VWF: variants seen among roughly 807,000 people sequenced by gnomAD.
VWF encodes the protein von Willebrand factor.
In VWF, 176 loss-of-function variants were observed where a neutral mutation model predicts 308.6. The ratio of observed to expected loss-of-function variants is 0.57; its 90% CI spans 0.50 to 0.65. VWF has a LOEUF of 0.65. Among genes scored for constraint, VWF ranks in the 30% least tolerant of loss-of-function variants. VWF has a pLI of 0.00. For synonymous variants in VWF, 1,385 were observed against 1,443.4 expected (o/e 0.96, Z 0.92); for missense variants, 3,146 against 3,648.2 (o/e 0.86, Z 3.55).
At chr12:6,038,113 G>C (rs1043215775) in intron 18 of VWF, among the ~76,000 whole-genome samples, 1 of 152,138 alleles carries the variant, frequency 6.6e-6, no homozygotes, top group Non-Finnish European at 1.5e-5. Flanking sequence ...TAAGCACCCA[G>C]TAGGGAAGAT....
intron 3 of VWF, among the ~76,000 whole-genome samples, chr12:6,113,442 T>C (rs573546622): frequency 2.6e-5 from 4 of 151,778 alleles, no homozygotes; most frequent in South Asian, 4.2e-4. Flanking sequence ...GGACTACAGG[T>C]GCCCGCCACC....
intron 6 of VWF, among the ~76,000 whole-genome samples, chr12:6,092,618 A>AGTGT (rs752209524): frequency 0.018 from 1,216 of 66,054 alleles, 27 homozygotes; most frequent in Middle Eastern, 0.054. Context: ...AGTGAGTGAG[A>AGTGT]GTGTGTGTGT....
intron 3 of VWF, among the ~76,000 whole-genome samples, chr12:6,119,288 G>GC (rs1945404565): frequency 1.3e-5 from 2 of 152,034 alleles, no homozygotes. Flanking sequence ...AAATTTTCAG[G>GC]CCCCCTTCCA....
At chr12:6,113,760 T>A (rs1462522130) in intron 3 of VWF, among the ~76,000 whole-genome samples, 3 of 152,298 alleles carry the variant, frequency 2.0e-5, no homozygotes, top group South Asian at 2.1e-4. Flanking sequence ...AACCTCCAGT[T>A]TGCACCCTCT....
chr12:5,972,184 G>A (rs1049885363), intron 43 of VWF, among the ~76,000 whole-genome samples: 3 of 152,122 alleles, frequency 2.0e-5, no homozygotes, highest in African/African-American at 7.2e-5. Flanking sequence ...TTCCCCAAGA[G>A]GTTACTTGAC....
intron 18 of VWF, among the ~76,000 whole-genome samples, chr12:6,040,688 C>T (rs536075107): frequency 7.2e-5 from 11 of 152,320 alleles, no homozygotes; most frequent in South Asian, 2.1e-4. Context: ...TCATTTATCA[C>T]GGTGCGGACC....
chr12:6,104,396 A>G (rs996412667), intron 5 of VWF, among the ~76,000 whole-genome samples: 2 of 151,998 alleles, frequency 1.3e-5, no homozygotes, highest in Non-Finnish European at 2.9e-5. Context: ...AAAAAAAAAA[A>G]AAATAGGACT....
At chr12:5,981,558 CTG>C in intron 42 of VWF, among the ~76,000 whole-genome samples, 1 of 152,170 alleles carries the variant, frequency 6.6e-6, no homozygotes, top group Non-Finnish European at 1.5e-5. Flanking sequence ...TCCACTCAGG[CTG>C]AGCTGGAATG....
intron 31 of VWF, among the ~76,000 whole-genome samples, chr12:6,014,163 A>G (rs1591859356): frequency 6.6e-6 from 1 of 152,182 alleles, no homozygotes; most frequent in East Asian, 1.9e-4. Context: ...CAAAGGCCCC[A>G]GAGCAGAAAT....
chr12:6,097,179 T>C (rs1488267282), intron 5 of VWF, among the ~76,000 whole-genome samples: 1 of 152,166 alleles, frequency 6.6e-6, no homozygotes, highest in Non-Finnish European at 1.5e-5. Flanking sequence ...GGCTGACACC[T>C]GTAATCCAGC....
chr12:5,989,547 TA>T (rs769486625), intron 38 of VWF, among the ~76,000 whole-genome samples: 2 of 152,376 alleles, frequency 1.3e-5, no homozygotes, highest in Admixed American at 6.5e-5. Flanking sequence ...TAACTAATTT[TA>T]TTTTACCTGA....
At chr12:6,039,608 A>G (rs1944375813) in intron 18 of VWF, among the ~76,000 whole-genome samples, 1 of 152,182 alleles carries the variant, frequency 6.6e-6, no homozygotes, top group Non-Finnish European at 1.5e-5. Context: ...TCGCTTGTTA[A>G]CCAAAATGAA....
chr12:5,969,136 T>C (rs1395325512), intron 45 of VWF, 75 bp downstream of exon 45: 1 of 1,532,088 alleles, frequency 6.5e-7, no homozygotes, highest in Non-Finnish European at 8.8e-7. Flanking sequence ...AGGCAAAGAA[T>C]TCAGGAGCCA....
At chr12:6,008,066 A>G (rs1199823440) in intron 34 of VWF, among the ~76,000 whole-genome samples, 1 of 152,196 alleles carries the variant, frequency 6.6e-6, no homozygotes, top group Admixed American at 6.5e-5. Flanking sequence ...CTCTCAATAA[A>G]TAAGAGCTCA....
intron 5 of VWF, among the ~76,000 whole-genome samples, chr12:6,108,637 C>T (rs1945270633): frequency 1.3e-5 from 2 of 150,064 alleles, no homozygotes; most frequent in Admixed American, 1.3e-4. Context: ...TTAACTAGGC[C>T]ACAATTTTTT....
chr12:6,115,492 G>A (rs538170922), intron 3 of VWF, among the ~76,000 whole-genome samples: 17 of 152,124 alleles, frequency 1.1e-4, no homozygotes, highest in Non-Finnish European at 1.8e-4. Context: ...ACACACACAC[G>A]TTTCATATCA....
chr12:6,110,865 C>T lies in VWF; in HGVS notation c.323+1G>A. 1.2e-6 allele frequency: 2 copies of T among 1,613,982 alleles called. No individual in the cohort carries two copies. The highest frequency in any genetic ancestry group is 1.7e-6 in the Non-Finnish European group (2 of 1,179,906). ...TTCTAACTCAGACATTGTTGGCTTA[C>T]CTTTGGTCCCCCTGTGTCACGGTAC... On this transcript the variant is annotated splice_donor_variant, in intron 4 of 51. Coordinates refer to ENST00000261405, the MANE Select transcript of VWF (RefSeq NM_000552.5). LOFTEE classifies it high-confidence loss of function.
rs150873446 is a variant in VWF at position 6,016,785 on chromosome 12, G to C, written c.5139C>G (p.Phe1713Leu). ...TGGCTTTTGAAATGAAAGCCTTGGC[G>C]AAACTCTTCATTTCATCAAAATAAG... ...PASYFDEMKSFAKAFISKANI... is the reference protein window; with the variant it reads ...PASYFDEMKSLAKAFISKANI... Residue 1713 changes from phenylalanine to leucine, a missense_variant, in exon 29 of 52, where the codon TTC becomes TTG. Transcript: ENST00000261405. 2 of 1,614,112 alleles carry C rather than the reference G, an allele frequency of 1.2e-6. No individual in the cohort carries two copies. The highest frequency in any genetic ancestry group is 1.7e-6 in the Non-Finnish European group (2 of 1,180,052).
At chr12:6,116,272 G>T (rs543033817) in intron 3 of VWF, among the ~76,000 whole-genome samples, 1 of 152,200 alleles carries the variant, frequency 6.6e-6, no homozygotes, top group Non-Finnish European at 1.5e-5. Flanking sequence ...CCTGCTGAAC[G>T]CAGTGATTAA....
Sources: allele counts gnomAD v4.1 joint callset (sites outside exome capture counted in the v4.1 genomes callset), GRCh38; gene constraint gnomAD v4.1.1; transcripts MANE v1.5; gene names NCBI Gene and HGNC (gene_info 2026-07-23, HGNC 2026-07-21).